The following GRIP1 variants were observed in gnomAD, a reference collection of about 807,000 sequenced individuals.
GRIP1 encodes glutamate receptor interacting protein 1.
Under a neutral mutation model 129.9 loss-of-function variants are expected in GRIP1, and 45 were observed. The ratio of observed to expected loss-of-function variants is 0.35; its 90% CI spans 0.27 to 0.44. The LOEUF is 0.44. GRIP1 is among the 20% of genes least tolerant of loss of function. The pLI is 1.00. For synonymous variants in GRIP1, 530 were observed against 520.8 expected (o/e 1.02, Z -0.24); for missense variants, 1,196 against 1,396.8 (o/e 0.86, Z 2.29).
chr12:67,020,427 A>T (rs1283993118), intron 1 of GRIP1, among the ~76,000 whole-genome samples: 5 of 152,224 alleles, frequency 3.3e-5, no homozygotes, highest in Non-Finnish European at 7.3e-5. Context: ...ATTCATTCAG[A>T]GACAAGGTCT....
chr12:66,834,177 CAAAAAAAAAAA>C (rs60054128), intron 1 of GRIP1, among the ~76,000 whole-genome samples: 2 of 95,218 alleles, frequency 2.1e-5, no homozygotes, highest in South Asian at 9.0e-4. Flanking sequence ...GACTTCATCT[CAAAAAAAAAAA>C]AAAAAAAAAA....
chr12:66,495,100 G>A (rs1000685668), intron 7 of GRIP1, among the ~76,000 whole-genome samples: 1 of 152,072 alleles, frequency 6.6e-6, no homozygotes, highest in African/African-American at 2.4e-5. Flanking sequence ...TTAATCCCAG[G>A]GAATAAATAA....
intron 1 of GRIP1, among the ~76,000 whole-genome samples, chr12:66,988,580 T>C (rs760652673): frequency 1.3e-5 from 2 of 152,098 alleles, no homozygotes; most frequent in Admixed American, 6.6e-5. Flanking sequence ...GGGTTTCCCA[T>C]GTTGCACAGA....
At chr12:66,606,039 G>T (rs2064509856) in intron 1 of GRIP1, among the ~76,000 whole-genome samples, 1 of 151,166 alleles carries the variant, frequency 6.6e-6, no homozygotes, top group African/African-American at 2.5e-5. Context: ...GCCTAGATGT[G>T]TGAAAATCAC....
intron 1 of GRIP1, among the ~76,000 whole-genome samples, chr12:66,933,163 A>ACTT (rs2137414218): frequency 6.6e-6 from 1 of 152,282 alleles, no homozygotes; most frequent in South Asian, 2.1e-4. Context: ...ATGTAATGTA[A>ACTT]CTTCTTTCTT....
intron 1 of GRIP1, among the ~76,000 whole-genome samples, chr12:66,842,331 T>C (rs1180471489): frequency 1.3e-5 from 2 of 152,068 alleles, no homozygotes; most frequent in Non-Finnish European, 2.9e-5. Context: ...CCAATACAAT[T>C]GTATATTGGA....
At chr12:66,577,265 G>T (rs1299728209) in intron 2 of GRIP1, among the ~76,000 whole-genome samples, 1 of 151,928 alleles carries the variant, frequency 6.6e-6, no homozygotes, top group African/African-American at 2.4e-5. Context: ...TTCAAGATAA[G>T]AAACTTCAGT....
At chr12:66,455,357 T>C (rs373450785) in intron 11 of GRIP1, 52 bp downstream of exon 11, 16 of 1,560,544 alleles carry the variant, frequency 1.0e-5, no homozygotes, top group African/African-American at 4.1e-5. Flanking sequence ...CAAGGCTCCA[T>C]TGCCCACAGG....
At chr12:66,772,533 T>C (rs2037851393) in intron 1 of GRIP1, among the ~76,000 whole-genome samples, 1 of 152,196 alleles carries the variant, frequency 6.6e-6, no homozygotes, top group South Asian at 2.1e-4. Context: ...ATGGGATATG[T>C]CTTTAACAGA....
At chr12:66,772,813 G>A (rs757209302) in intron 1 of GRIP1, among the ~76,000 whole-genome samples, 2 of 152,100 alleles carry the variant, frequency 1.3e-5, no homozygotes, top group African/African-American at 2.4e-5. Flanking sequence ...CAAATGGGAG[G>A]GAAAGAGCTT....
At chr12:66,863,580 G>T (rs968814071) in intron 1 of GRIP1, among the ~76,000 whole-genome samples, 1 of 152,036 alleles carries the variant, frequency 6.6e-6, no homozygotes, top group African/African-American at 2.4e-5. Flanking sequence ...AAAGGAAAAA[G>T]TCGGTGTAAA....
chr12:66,684,764 G>A (rs1204047926), intron 1 of GRIP1, among the ~76,000 whole-genome samples: 1 of 152,152 alleles, frequency 6.6e-6, no homozygotes, highest in East Asian at 1.9e-4. Flanking sequence ...AGAATCACTT[G>A]AACCCAAGAG....
At chr12:66,823,508 A>G (rs2136992486) in intron 1 of GRIP1, among the ~76,000 whole-genome samples, 1 of 152,328 alleles carries the variant, frequency 6.6e-6, no homozygotes, top group East Asian at 1.9e-4. Flanking sequence ...TATTAAAACA[A>G]TTAAGATTCA....
rs577310328 is a variant in GRIP1 at position 66,495,606 on chromosome 12, A to C, written c.724+20013T>G. 9.9e-5 allele frequency among the ~76,000 whole-genome samples: 15 copies of C among 152,266 alleles called. 1 individual carries two copies. Among genetic ancestry groups the C allele is most frequent in the Non-Finnish European group, 2.1e-4 (14 of 68,014 alleles). On this transcript the variant is annotated intron_variant, in intron 7 of 24. Coordinates refer to ENST00000359742, the MANE Select transcript of GRIP1 (RefSeq NM_001366722.1). The stretch of plus-strand genomic sequence containing the variant: ...ATAGTTAATATTCCTGCCAAATAGT[A>C]CCTTCAGCGTGACTGACCAAACTAA...
intron 2 of GRIP1, among the ~76,000 whole-genome samples, chr12:66,577,121 C>A (rs2063164327): frequency 6.6e-6 from 1 of 152,028 alleles, no homozygotes; most frequent in Non-Finnish European, 1.5e-5. Flanking sequence ...TAAGGCAGAA[C>A]CGGAGGAAGG....
At chr12:67,047,540 G>C (rs1049764711) in intron 1 of GRIP1, among the ~76,000 whole-genome samples, 4 of 152,104 alleles carry the variant, frequency 2.6e-5, no homozygotes, top group Non-Finnish European at 5.9e-5. Context: ...TTGGGGAAGA[G>C]ATTTTGTCTG....
intron 1 of GRIP1, among the ~76,000 whole-genome samples, chr12:66,898,140 A>G (rs1392179469): frequency 1.3e-5 from 2 of 152,188 alleles, no homozygotes; most frequent in Non-Finnish European, 2.9e-5. Flanking sequence ...CCTTTTATTT[A>G]TGTTAGCCGA....
intron 1 of GRIP1, among the ~76,000 whole-genome samples, chr12:67,060,285 G>A (rs1453003169): frequency 1.3e-5 from 2 of 152,248 alleles, no homozygotes; most frequent in South Asian, 2.1e-4. Flanking sequence ...AGAAAAAAGT[G>A]GTGTTATTAC....
At chr12:66,892,609 C>T (rs750379698) in intron 1 of GRIP1, among the ~76,000 whole-genome samples, 1 of 151,986 alleles carries the variant, frequency 6.6e-6, no homozygotes, top group East Asian at 1.9e-4. Context: ...CATATATACA[C>T]ATTTTTGCTA....
Sources: allele counts gnomAD v4.1 joint callset (sites outside exome capture counted in the v4.1 genomes callset), GRCh38; gene constraint gnomAD v4.1.1; transcripts MANE v1.5; gene names NCBI Gene and HGNC (gene_info 2026-07-23, HGNC 2026-07-21).